ZFPM1: variants seen among roughly 807,000 people sequenced by gnomAD.
The protein encoded by ZFPM1 is zinc finger protein, FOG family member 1.
A neutral mutation model predicts 46.3 loss-of-function variants in ZFPM1; 28 were observed. That is an observed-to-expected ratio of 0.60 (90% confidence interval 0.45 to 0.83). The LOEUF is 0.83. Ranked by LOEUF, ZFPM1 falls within the 40% of genes least tolerant of loss-of-function variation. The pLI is 0.00. For synonymous variants in ZFPM1, 957 were observed against 675.9 expected (o/e 1.42, Z -6.45); for missense variants, 1,878 against 1,432.4 (o/e 1.31, Z -5.02).
chr16:88,468,269 A>G (rs2142350876), intron 1 of ZFPM1, among the ~76,000 whole-genome samples: 1 of 151,730 alleles, frequency 6.6e-6, no homozygotes, highest in African/African-American at 2.4e-5. Context: ...CCGCGAGCCC[A>G]CTGCCTGCGG....
At chr16:88,532,312 A>C (rs1912852938) in intron 7 of ZFPM1, 77 bp downstream of exon 7, 2 of 1,368,106 alleles carry the variant, frequency 1.5e-6, no homozygotes, top group East Asian at 5.0e-5. Context: ...GCCCGGGAAA[A>C]CCCACATGCA....
intron 1 of ZFPM1, among the ~76,000 whole-genome samples, chr16:88,461,010 AGGGGTGGGGCGGG>A (rs1567525528): frequency 8.2e-4 from 5 of 6,074 alleles, no homozygotes; most frequent in African/African-American, 2.1e-3. Context: ...GTGAGGACCG[AGGGGTGGGGCGGG>A]AGGCCTGGTG....
At chr16:88,462,532 C>A (rs1322066315) in intron 1 of ZFPM1, among the ~76,000 whole-genome samples, 6 of 152,204 alleles carry the variant, frequency 3.9e-5, no homozygotes, top group Non-Finnish European at 8.8e-5. Context: ...CCCTGCTGTG[C>A]CTAGGACCTG....
intron 1 of ZFPM1, among the ~76,000 whole-genome samples, chr16:88,481,737 C>A (rs1908952137): frequency 6.6e-6 from 1 of 152,136 alleles, no homozygotes; most frequent in African/African-American, 2.4e-5. Context: ...CCACCCTCTA[C>A]ACCCCAGGTT....
chr16:88,502,405 G>T (rs1910415561), intron 3 of ZFPM1, among the ~76,000 whole-genome samples: 1 of 152,052 alleles, frequency 6.6e-6, no homozygotes, highest in Non-Finnish European at 1.5e-5. Context: ...CTGCCCCATA[G>T]GCCTGACGCC....
At position 88,502,883 on chromosome 16, in the gene ZFPM1, C is replaced by T. The variant is rs186442599; in HGVS notation, c.269-11504C>T. ...CACGTGGATGCCCGTTTGTGGGTCT[C>T]TGCACACACGGTGGCCGGACGGCAG... is the stretch of plus-strand genomic sequence containing the variant. On this transcript the variant is annotated intron_variant, in intron 3 of 9. Coordinates refer to ENST00000319555, the MANE Select transcript of ZFPM1 (RefSeq NM_153813.3). Among the ~76,000 whole-genome samples the T allele has an allele frequency of 3.2e-3, 495 of 152,364 alleles. 4 individuals are homozygous for T. The highest frequency in any genetic ancestry group is 0.012 in the African/African-American group (481 of 41,574).
Position 88,466,938 on chromosome 16 carries a change from G to A in ZFPM1, c.40+13260G>A, listed in dbSNP as rs181815045. ...GGTAAAGCATCTGGGGCCCTTGTGC[G>A]GCAGGGCTCAGTGAACCCCAAAACG... On this transcript the variant is annotated intron_variant, in intron 1 of 9. Transcript: ENST00000319555. 3.4e-4 allele frequency among the ~76,000 whole-genome samples: 51 copies of A among 152,164 alleles called. No homozygotes were observed. In the East Asian group the frequency reaches 5.0e-3, roughly 15 times the overall value.
chr16:88,509,291 T>C (rs1331486487), intron 3 of ZFPM1, among the ~76,000 whole-genome samples: 1 of 152,202 alleles, frequency 6.6e-6, no homozygotes, highest in Non-Finnish European at 1.5e-5. Context: ...CCAACAAAGC[T>C]GGACCCAGCT....
At chr16:88,477,265 C>T (rs540172294) in intron 1 of ZFPM1, among the ~76,000 whole-genome samples, 3 of 152,326 alleles carry the variant, frequency 2.0e-5, no homozygotes, top group South Asian at 4.1e-4. Flanking sequence ...CCCGGGTCAG[C>T]GGAGAAGGGC....
intron 1 of ZFPM1, among the ~76,000 whole-genome samples, chr16:88,459,622 C>T (rs1318098314): frequency 8.1e-6 from 1 of 124,110 alleles, no homozygotes; most frequent in African/African-American, 3.1e-5. Flanking sequence ...TCCTCTCCCT[C>T]CTCCCCAGCA....
At chr16:88,508,447 C>T (rs1297880638) in intron 3 of ZFPM1, among the ~76,000 whole-genome samples, 2 of 152,244 alleles carry the variant, frequency 1.3e-5, no homozygotes, top group Non-Finnish European at 2.9e-5. Context: ...TTCTACTGCC[C>T]AAGAGGCTTC....
intron 1 of ZFPM1, among the ~76,000 whole-genome samples, chr16:88,461,272 T>G (rs1162178467): frequency 1.4e-5 from 2 of 142,448 alleles, no homozygotes; most frequent in African/African-American, 2.6e-5. Context: ...GACCGACGGG[T>G]GCGAGGCCTG....
At chr16:88,472,863 G>T (rs1423095571) in intron 1 of ZFPM1, among the ~76,000 whole-genome samples, 1 of 152,244 alleles carries the variant, frequency 6.6e-6, no homozygotes, top group African/African-American at 2.4e-5. Flanking sequence ...CTCCGCCTCT[G>T]TGGGTTGGAG....
chr16:88,484,114 A>G (rs1024361589), intron 1 of ZFPM1, among the ~76,000 whole-genome samples: 9 of 152,180 alleles, frequency 5.9e-5, no homozygotes, highest in African/African-American at 1.9e-4. Context: ...AACAAAGCAA[A>G]GCAGGGATCA....
intron 3 of ZFPM1, among the ~76,000 whole-genome samples, chr16:88,498,497 G>A (rs1454764601): frequency 6.6e-6 from 1 of 152,214 alleles, no homozygotes; most frequent in Non-Finnish European, 1.5e-5. Context: ...TATGAGGGAC[G>A]TGCTCAGGCC....
chr16:88,481,232 G>A (rs775254984), intron 1 of ZFPM1, among the ~76,000 whole-genome samples: 6 of 152,182 alleles, frequency 3.9e-5, no homozygotes, highest in East Asian at 1.9e-4. Flanking sequence ...GCCATAGCCC[G>A]TGGACACCTC....
intron 6 of ZFPM1, 130 bp downstream of exon 6, chr16:88,528,368 A>C: frequency 2.7e-6 from 3 of 1,094,696 alleles, no homozygotes; most frequent in Middle Eastern, 3.1e-4. Flanking sequence ...GAGGTAAGGC[A>C]GGGAAGGAGG....
chr16:88,513,906 C>A (rs1911121358), intron 3 of ZFPM1, among the ~76,000 whole-genome samples: 1 of 152,204 alleles, frequency 6.6e-6, no homozygotes. Context: ...AGATACTTGT[C>A]ATTGGTTTTA....
intron 1 of ZFPM1, among the ~76,000 whole-genome samples, chr16:88,473,007 GC>G (rs570135516): frequency 4.3e-4 from 66 of 152,400 alleles, no homozygotes; most frequent in African/African-American, 1.5e-3. Context: ...CGAGGGGCCA[GC>G]TGGGCAGGAG....
Sources: gnomAD v4.1 joint callset for allele counts (sites outside exome capture counted in the v4.1 genomes callset) on GRCh38, gnomAD v4.1.1 for gene constraint, MANE v1.5 for transcripts, NCBI Gene and HGNC (gene_info 2026-07-23, HGNC 2026-07-21) for gene names.